DRP2: variants seen among roughly 807,000 people sequenced by gnomAD.
DRP2 encodes the protein dystrophin-related protein 2.
Under a neutral mutation model 78.2 loss-of-function variants are expected in DRP2, and 29 were observed. The ratio of observed to expected loss-of-function variants is 0.37; its 90% CI spans 0.28 to 0.51. The LOEUF (loss-of-function observed/expected upper bound fraction) is 0.51, where lower values mean the gene tolerates loss of function less well. Ranked by LOEUF, DRP2 falls within the 20% of genes least tolerant of loss-of-function variation. The probability of loss-of-function intolerance (pLI) is 0.94; values close to 1 mark genes in which losing one functional copy is unlikely to be tolerated. For missense variants in DRP2, 686 were observed against 770.6 expected (o/e 0.89, Z 1.30); for synonymous variants, 290 against 281.9 (o/e 1.03, Z -0.29).
intron 4 of DRP2, among the ~76,000 whole-genome samples, chrX:101,237,095 G>C: frequency 9.0e-6 from 1 of 111,646 alleles, no homozygotes; most frequent in Non-Finnish European, 1.9e-5. Flanking sequence ...CCCAAGGACT[G>C]TTATATTCGT....
intron 11 of DRP2, among the ~76,000 whole-genome samples, chrX:101,246,845 A>G (rs779083287): frequency 3.1e-4 from 35 of 112,163 alleles, no homozygotes; most frequent in Non-Finnish European, 6.2e-4. Context: ...GCTCTGGGAT[A>G]TATAGCTGGC....
rs1356505803 is a variant in DRP2 at position 101,250,615 on chromosome X, G to A, written c.1698+35G>A. On this transcript the variant is annotated intron_variant, in intron 15 of 23. Transcript: ENST00000395209. ...GAACTGGGGAGTGGGGGAGGGAAGG[G>A]AGGTTGCAGGAAGGGTGGGAAGAAG... 3.4e-6 allele frequency: 4 copies of A among 1,162,180 alleles called. No homozygotes were observed. In the East Asian group the frequency reaches 1.2e-4, roughly 35 times the overall value.
In DRP2 at chrX:101,235,857, C is replaced by T. The variant is rs1465187311; in HGVS notation, c.118-3C>T. 3.1e-5 allele frequency: 37 copies of T among 1,200,296 alleles called. No individual in the cohort carries two copies. The highest frequency in any genetic ancestry group is 4.0e-5 in the Non-Finnish European group (36 of 889,521). On this transcript the variant is annotated splice_region_variant and splice_polypyrimidine_tract_variant and intron_variant, in intron 3 of 23. Coordinates refer to ENST00000395209, the MANE Select transcript of DRP2 (RefSeq NM_001939.3). ...ATCACAGGATGTTTGTGTTTCTGTC[C>T]AGGTTAGAGCTGCTGTCACCAGCCC... is the stretch of plus-strand genomic sequence containing the variant.
At chrX:101,255,039 G>C in intron 19 of DRP2, 115 bp downstream of exon 19, 1 of 1,043,818 alleles carries the variant, frequency 9.6e-7, no homozygotes, top group Non-Finnish European at 1.3e-6. Context: ...GCACAGTGGG[G>C]TGTGCAGCAG....
chrX:101,253,890 T>C (rs1225753005), intron 17 of DRP2, among the ~76,000 whole-genome samples: 1 of 111,421 alleles, frequency 9.0e-6, no homozygotes, highest in Admixed American at 9.6e-5. Flanking sequence ...TACCACCTGC[T>C]CGTCCTCTAC....
rs771583544 is a variant in DRP2, at chrX:101,243,896, T to C, written c.1054+914T>C. Among the ~76,000 whole-genome samples the C allele has an allele frequency of 5.4e-5, 6 of 110,981 alleles. No homozygotes were observed. The South Asian group carries it at 2.3e-3, about 43-fold the overall frequency. On this transcript the variant is annotated intron_variant, in intron 9 of 23. Transcript: ENST00000395209. ...CAATTGAGCAGAGGTCTAAAGTAGA[T>C]GAAGAGATGAACCGTGTGGATGATA...
At chrX:101,236,488 G>A (rs771042819) in intron 4 of DRP2, among the ~76,000 whole-genome samples, 2 of 111,482 alleles carry the variant, frequency 1.8e-5, no homozygotes, top group East Asian at 2.8e-4. Flanking sequence ...ATCCTTTTAC[G>A]TTCTATCCAT....
At chrX:101,245,522 A>G (rs1280245799) in intron 11 of DRP2, 73 bp downstream of exon 11, 2 of 841,208 alleles carry the variant, frequency 2.4e-6, no homozygotes, top group African/African-American at 4.0e-5. Context: ...CCATCTACAG[A>G]TGAATGGATA....
At chrX:101,227,717 G>A (rs1328228077) in intron 2 of DRP2, among the ~76,000 whole-genome samples, 2 of 112,112 alleles carry the variant, frequency 1.8e-5, no homozygotes, top group Non-Finnish European at 3.8e-5. Flanking sequence ...TCACAGTCAG[G>A]GGCAAAGTCT....
intron 4 of DRP2, among the ~76,000 whole-genome samples, chrX:101,236,299 G>A (rs986827829): frequency 3.6e-5 from 4 of 112,070 alleles, no homozygotes; most frequent in Non-Finnish European, 7.5e-5. Flanking sequence ...AAAAATGAGT[G>A]GAGGAATAAT....
chrX:101,253,109 G>C (rs1923195760), intron 17 of DRP2, among the ~76,000 whole-genome samples: 1 of 112,082 alleles, frequency 8.9e-6, no homozygotes, highest in African/African-American at 3.2e-5. Flanking sequence ...TATTGCTTCT[G>C]TACTGGGTCA....
intron 10 of DRP2, 61 bp downstream of exon 10, chrX:101,245,138 C>A (rs1171972637): frequency 1.9e-6 from 2 of 1,081,059 alleles, no homozygotes; most frequent in African/African-American, 3.6e-5. Flanking sequence ...CCTCTCCTGC[C>A]TTTTTGCTAC....
rs1922787189 is a variant in DRP2 at position 101,242,970 on chromosome X, C to A, written c.1042C>A (p.His348Asn). The change falls in exon 9 of 24, where the codon CAC (histidine) becomes AAC (asparagine). Residue 348 changes from histidine to asparagine, a missense_variant. Around this residue, in one of 2 missense-constraint regions of DRP2, gnomAD observed 423 missense variants for 531.5 expected, o/e 0.80. Transcript: ENST00000395209. ...AHRDFGPGSQ[H>N]FLSSSVQVPW... ...CCGGGACTTTGGGCCTGGGTCACAG[C>A]ACTTTCTCTCCTGTACGTGAACCAA... The A allele has an allele frequency of 8.3e-7, 1 of 1,210,573 alleles. No individual in the cohort carries two copies. Among genetic ancestry groups the A allele is most frequent in the South Asian group, 1.8e-5 (1 of 56,853 alleles).
chrX:101,254,113 T>C (rs1307954016), intron 17 of DRP2, among the ~76,000 whole-genome samples: 1 of 110,890 alleles, frequency 9.0e-6, no homozygotes, highest in East Asian at 2.8e-4. Flanking sequence ...GAGACCCCTG[T>C]CTCTACAAAA....
rs1922234949 is a variant in DRP2, at chrX:101,229,619, G to A, written c.-63-1966G>A. On this transcript the variant is annotated intron_variant, in intron 2 of 23. Coordinates refer to ENST00000395209, the MANE Select transcript of DRP2 (RefSeq NM_001939.3). Reference sequence around the variant, plus strand: ...TTTTTTTTTTTTAGTCTTAAGAAGGGCCTCTTATATCTAAAACATTGTGAA... The same window carrying A: ...TTTTTTTTTTTTAGTCTTAAGAAGGACCTCTTATATCTAAAACATTGTGAA... Among the ~76,000 whole-genome samples the A allele has an allele frequency of 3.6e-5, 4 of 110,515 alleles. No individual in the cohort carries two copies. In the South Asian group the frequency reaches 1.5e-3, roughly 43 times the overall value.
chrX:101,241,837 A>G lies in DRP2; in HGVS notation c.729A>G (p.Leu243=). Residue 243 remains leucine, a synonymous_variant, in exon 7 of 24, where the codon CTA becomes CTG. Coordinates refer to ENST00000395209, the MANE Select transcript of DRP2 (RefSeq NM_001939.3). ...AGATTCAAGGGGCAATGGAGGAACT[A>G]AGCACTACTCTGAGCCAAGCTGAGG... The part of the protein sequence containing the change: ...LLEIQGAMEE[L]STTLSQAEGV... 1 of 1,203,595 alleles carries G rather than the reference A, an allele frequency of 8.3e-7. No homozygotes were observed. The highest frequency in any genetic ancestry group is 1.8e-5 in the South Asian group (1 of 55,703).
intron 14 of DRP2, 97 bp from the exon 15 acceptor site, chrX:101,250,326 G>T: frequency 8.9e-7 from 1 of 1,123,029 alleles, no homozygotes; most frequent in Non-Finnish European, 1.2e-6. Context: ...AGCTCAGTCT[G>T]TGCTCTTTCC....
chrX:101,236,110 G>T, intron 4 of DRP2, 87 bp downstream of exon 4: 1 of 1,034,156 alleles, frequency 9.7e-7, no homozygotes, highest in East Asian at 3.1e-5. Flanking sequence ...CTCAGCCTGT[G>T]CATCCCCCTT....
At chrX:101,223,936 C>A (rs1891875006) in intron 1 of DRP2, among the ~76,000 whole-genome samples, 1 of 110,630 alleles carries the variant, frequency 9.0e-6, no homozygotes, top group Admixed American at 9.7e-5. Context: ...ATTTTAGGAA[C>A]TATAACAAAG....
Sources: gnomAD v4.1 joint callset for allele counts (sites outside exome capture counted in the v4.1 genomes callset) on GRCh38, gnomAD v4.1.1 for gene constraint, gnomAD v4.1.1 regional missense constraint, MANE v1.5 for transcripts, NCBI Gene and HGNC (gene_info 2026-07-23, HGNC 2026-07-21) for gene names.